The following SEC16B variants were observed in gnomAD, a reference collection of about 807,000 sequenced individuals.
The protein encoded by SEC16B is SEC16 homolog B, endoplasmic reticulum export factor, also known as protein transport protein Sec16B.
Under a neutral mutation model 141.8 loss-of-function variants are expected in SEC16B, and 115 were observed. That is an observed-to-expected ratio of 0.81 (90% CI 0.70 to 0.95). SEC16B has a LOEUF of 0.95. Ranked by LOEUF, SEC16B falls within the 40% of genes least tolerant of loss-of-function variation. SEC16B has a pLI of 0.00. For missense variants in SEC16B, 1,291 were observed against 1,312.3 expected, an observed-to-expected ratio of 0.98 and a Z score of 0.25; for synonymous variants, 493 against 492.5, an observed-to-expected ratio of 1.00 and a Z score of -0.01.
intron 14 of SEC16B, chr1:177,946,110 A>G (rs968317324): frequency 1.8e-6 from 1 of 565,748 alleles, no homozygotes; most frequent in African/African-American, 1.9e-5. Context: ...TTGTTTTTTT[A>G]AAGGAACAAA....
intron 12 of SEC16B, among the ~76,000 whole-genome samples, chr1:177,950,806 G>A (rs765120800): frequency 6.7e-6 from 1 of 149,342 alleles, no homozygotes; most frequent in Non-Finnish European, 1.5e-5. Context: ...AGAAACAAAA[G>A]AGCACAAAAG....
rs370304058 is a variant in SEC16B at position 177,940,578 on chromosome 1, C to A, written c.2127+32G>T. 9.5e-6 allele frequency: 14 copies of A among 1,478,832 alleles called. No individual in the cohort carries two copies. The South Asian group carries it at 1.5e-4, about 16-fold the overall frequency. The allele number at this position is 1,478,832 out of a possible 1,614,324, so 91.6% of individuals were successfully genotyped here. On this transcript the variant is annotated intron_variant, in intron 17 of 25. Coordinates refer to ENST00000308284, the MANE Select transcript of SEC16B (RefSeq NM_033127.4). ...TGGGAAGAGGGAAACAAAGGCCAGT[C>A]CCCCCAACGCCCTGGCTCCAATCCC...
intron 1 of SEC16B, among the ~76,000 whole-genome samples, chr1:177,982,215 T>C (rs1232657234): frequency 6.6e-6 from 1 of 152,090 alleles, no homozygotes; most frequent in Non-Finnish European, 1.5e-5. Flanking sequence ...TAAGGAGGGA[T>C]TGTGTTTGCT....
chr1:177,933,995 C>CA (rs796164709), intron 20 of SEC16B, among the ~76,000 whole-genome samples: 2,152 of 144,560 alleles, frequency 0.015, 46 homozygotes, highest in African/African-American at 0.049. Flanking sequence ...AAGCTCCCCC[C>CA]AAAAAAAAAA....
At chr1:177,950,483 T>C (rs1326907496) in intron 12 of SEC16B, among the ~76,000 whole-genome samples, 1 of 152,126 alleles carries the variant, frequency 6.6e-6, no homozygotes, top group African/African-American at 2.4e-5. Context: ...AGTCAACTCC[T>C]TTAAAGTTAT....
rs12060990 is a variant in SEC16B at position 177,967,556 on chromosome 1, C to T, written c.299+127G>A. ...AGAGGACAGGATTTAGCTAAAGCCA[C>T]GTAGTAAGGTAGAGAAGGAAAAAGA... On this transcript the variant is annotated intron_variant, in intron 2 of 25. Coordinates refer to ENST00000308284, the MANE Select transcript of SEC16B (RefSeq NM_033127.4). The T allele has an allele frequency of 1.6e-3, 1,517 of 944,780 alleles. 15 individuals carry two copies. The African/African-American group carries it at 0.022, about 13-fold the overall frequency. The allele number at this position is 944,780 out of a possible 1,614,324, so 58.5% of individuals were successfully genotyped here. A position where few individuals can be genotyped will look rare whatever the true frequency, so the allele number is the denominator to read the frequency against.
intron 1 of SEC16B, among the ~76,000 whole-genome samples, chr1:177,975,808 T>G (rs1248695928): frequency 6.6e-6 from 1 of 152,194 alleles, no homozygotes; most frequent in South Asian, 2.1e-4. Context: ...AGCTACCCCC[T>G]GGAAACAGTC....
Position 177,939,739 on chromosome 1 carries a change from A to T in SEC16B, c.2166T>A (p.Thr722=), listed in dbSNP as rs564649641. ...VAGDIGDPHP[T]RSDISGAGGT... is the part of the protein sequence containing the mutation. ...CTCCGGCTCCCGAAATATCTGAGCG[A>T]GTAGGATGAGGATCCCCAATGTCTC... The change falls in exon 18 of 26, where the codon ACT becomes ACA. Residue 722 remains threonine (T), a synonymous_variant. Coordinates refer to ENST00000308284, the MANE Select transcript of SEC16B (RefSeq NM_033127.4). The T allele has an allele frequency of 6.3e-7, 1 of 1,596,534 alleles. No individual in the cohort carries two copies. Among genetic ancestry groups the T allele is most frequent in the Non-Finnish European group, 8.5e-7 (1 of 1,170,688 alleles).
In SEC16B at chr1:177,960,559, G is replaced by T. The variant is rs1652976820; in HGVS notation, c.937-156C>A. 4.3e-6 allele frequency: 3 copies of T among 705,598 alleles called. No individual in the cohort carries two copies. The Admixed American group carries it at 8.3e-5, about 19-fold the overall frequency. The allele number at this position is 705,598 out of a possible 1,614,324, so 43.7% of individuals were successfully genotyped here. ...GAAAAAAGTGAATTTTGTTGCTAAA[G>T]ATGAGACATTGACATCTCAGGAAAA... On this transcript the variant is annotated intron_variant, in intron 7 of 25. Transcript: ENST00000308284.
Position 177,957,405 on chromosome 1 carries a change from A to T in SEC16B, c.1365+727T>A, listed in dbSNP as rs572885329. ...TTACCATATCATCTTAAGTTTAAAAAGAGAAATAAACAACTGTATATGCAA... is the reference window on the plus strand; with the variant it reads ...TTACCATATCATCTTAAGTTTAAAATGAGAAATAAACAACTGTATATGCAA... On this transcript the variant is annotated intron_variant, in intron 10 of 25. Transcript: ENST00000308284. Among the ~76,000 whole-genome samples the T allele has an allele frequency of 1.9e-4, 29 of 152,340 alleles. 1 individual carries two copies. The highest frequency in any genetic ancestry group is 6.7e-4 in the African/African-American group (28 of 41,596).
rs761551511 is a variant in SEC16B, at chr1:177,964,218, C to T, written c.595G>A (p.Gly199Arg). The change falls in exon 5 of 26, where the codon GGG becomes AGG. Residue 199 changes from glycine (G) to arginine (R), a missense_variant. Coordinates refer to ENST00000308284, the MANE Select transcript of SEC16B (RefSeq NM_033127.4). ...PASNSGQEWP[G>R]ELFPGSLLAE... is the part of the protein sequence containing the mutation. The stretch of plus-strand genomic sequence containing the variant: ...AGCAGGCTCCCTGGAAACAGCTCCC[C>T]CGGCCACTCCTGTCCAGAGTTGGAA... 6.2e-7 allele frequency: 1 copy of T among 1,613,726 alleles called. No individual in the cohort carries two copies. Among genetic ancestry groups the T allele is most frequent in the South Asian group, 1.1e-5 (1 of 91,050 alleles).
In SEC16B at chr1:177,967,765, C is replaced by T. The variant is rs759652881; in HGVS notation, c.217G>A (p.Ala73Thr). The T allele has an allele frequency of 1.9e-6, 3 of 1,613,976 alleles. No individual in the cohort carries two copies. The South Asian group carries it at 3.3e-5, about 18-fold the overall frequency. Reference protein sequence around the residue: ...RADHQQQPHYASRPGDWHQPV... With the variant: ...RADHQQQPHYTSRPGDWHQPV... ...TGATGCCAGTCCCCTGGCCTGGATG[C>T]ATAATGGGGCTGCTGCTGATGGTCT... The change falls in exon 2 of 26, where the codon GCA (alanine) becomes ACA (threonine). Residue 73 changes from alanine (A) to threonine (T), a missense_variant. Ala to Thr is a moderately conservative substitution (Grantham distance 58, BLOSUM62 0). This residue lies in a region of SEC16B where 681 missense variants were observed against 675.5 expected (regional missense o/e 1.01). Transcript: ENST00000308284.
chr1:177,949,383 A>AACACAC (rs61635250), intron 12 of SEC16B, among the ~76,000 whole-genome samples: 2,263 of 136,768 alleles, frequency 0.017, 45 homozygotes, highest in African/African-American at 0.044. Flanking sequence ...TCCCTTGCTA[A>AACACAC]ACACACACAC....
chr1:177,930,700 G>T, intron 24 of SEC16B, 57 bp from the exon 25 acceptor site: 1 of 1,283,938 alleles, frequency 7.8e-7, no homozygotes, highest in Non-Finnish European at 1.1e-6. Context: ...ATTCCAGAAT[G>T]TCGAGGCCTT....
chr1:177,939,605 G>A lies in SEC16B; in HGVS notation c.2203+97C>T. 3.7e-6 allele frequency: 4 copies of A among 1,068,482 alleles called. No individual in the cohort carries two copies. In the Middle Eastern group the frequency reaches 8.0e-4, roughly 213 times the overall value. The allele number at this position is 1,068,482 out of a possible 1,614,324, so 66.2% of individuals were successfully genotyped here. A position where few individuals can be genotyped will look rare whatever the true frequency, so the allele number is the denominator to read the frequency against. ...TTACACAGGCAAGGCAGGCACCCTGGGAAGCAAAGGGCGAGTGCTTTCATA... is the reference window on the plus strand; with the variant it reads ...TTACACAGGCAAGGCAGGCACCCTGAGAAGCAAAGGGCGAGTGCTTTCATA... On this transcript the variant is annotated intron_variant, in intron 18 of 25. Coordinates refer to ENST00000308284, the MANE Select transcript of SEC16B (RefSeq NM_033127.4).
rs773639438 is a variant in SEC16B, at chr1:177,944,555, A to G, written c.1881+6T>C. ...GACGGTGGTGGCCTCATCTGGGCTC[A>G]GTTACCTGGAAAGAAGGGATGAAGG... On this transcript the variant is annotated splice_donor_region_variant and intron_variant, in intron 15 of 25. Coordinates refer to ENST00000308284, the MANE Select transcript of SEC16B (RefSeq NM_033127.4). 1.4e-5 allele frequency: 23 copies of G among 1,611,384 alleles called. No individual in the cohort carries two copies. In the East Asian group the frequency reaches 3.8e-4, roughly 27 times the overall value.
chr1:177,939,593 G>T, intron 18 of SEC16B, 109 bp downstream of exon 18: 2 of 938,822 alleles, frequency 2.1e-6, no homozygotes, highest in Non-Finnish European at 1.7e-6. Context: ...CACAGGCAAG[G>T]CAGGCACCCT....
intron 15 of SEC16B, among the ~76,000 whole-genome samples, chr1:177,943,355 G>A (rs1651425040): frequency 6.6e-6 from 1 of 152,146 alleles, no homozygotes; most frequent in South Asian, 2.1e-4. Context: ...AGGTTGATAG[G>A]TGCAGCAAAC....
intron 10 of SEC16B, among the ~76,000 whole-genome samples, chr1:177,957,672 T>C (rs1238659755): frequency 1.3e-5 from 2 of 152,194 alleles, no homozygotes; most frequent in Admixed American, 6.5e-5. Flanking sequence ...AACCCAATTA[T>C]ACTCTTTTAG....
Sources: gnomAD v4.1 joint callset for allele counts (sites outside exome capture counted in the v4.1 genomes callset) on GRCh38, gnomAD v4.1.1 for gene constraint, gnomAD v4.1.1 regional missense constraint, MANE v1.5 for transcripts, NCBI Gene and HGNC (gene_info 2026-07-23, HGNC 2026-07-21) for gene names.